The following FAP variants were observed in gnomAD, a reference collection of about 807,000 sequenced individuals.
The protein encoded by FAP is prolyl endopeptidase FAP.
FAP carries 110 observed loss-of-function variants against 126.5 expected under a neutral mutation model. The observed-to-expected ratio is 0.87, with a 90% confidence interval of 0.74 to 1.02. The LOEUF (loss-of-function observed/expected upper bound fraction) is 1.02, where lower values mean the gene tolerates loss of function less well. Ranked by LOEUF, FAP falls within the 50% of genes least tolerant of loss-of-function variation. FAP has a pLI of 0.00. For missense variants in FAP, 919 were observed against 909.2 expected (o/e 1.01, Z -0.14); for synonymous variants, 334 against 297.3 (o/e 1.12, Z -1.27).
intron 10 of FAP, among the ~76,000 whole-genome samples, 195 bp downstream of exon 10, chr2:162,215,703 G>A (rs772095593): frequency 2.2e-4 from 33 of 152,178 alleles, no homozygotes; most frequent in Non-Finnish European, 3.8e-4. Flanking sequence ...ATTGATCACC[G>A]AGGTCACGTT....
chr2:162,223,217 T>C (rs529836124), intron 6 of FAP, among the ~76,000 whole-genome samples: 3 of 152,262 alleles, frequency 2.0e-5, no homozygotes, highest in African/African-American at 7.2e-5. Context: ...ACACAACTAA[T>C]GCTACATCTC....
intron 6 of FAP, among the ~76,000 whole-genome samples, chr2:162,223,235 C>T (rs1280720256): frequency 6.6e-6 from 1 of 152,096 alleles, no homozygotes; most frequent in Non-Finnish European, 1.5e-5. Context: ...CTCTCTCCCG[C>T]CCTTCCTCCT....
At chr2:162,176,726 C>G (rs1287363831) in intron 21 of FAP, 3 of 152,046 alleles carry the variant, frequency 2.0e-5, no homozygotes, top group Non-Finnish European at 4.4e-5. Flanking sequence ...AGTAAAAATA[C>G]TGGGTCCTGC....
chr2:162,219,766 TCAGGC>T, intron 7 of FAP, 82 bp downstream of exon 7: 1 of 874,366 alleles, frequency 1.1e-6, no homozygotes, highest in Non-Finnish European at 1.9e-6. Context: ...TTTTTTTCTT[TCAGGC>T]AGGGAAATTT....
chr2:162,203,078 T>C lies in FAP; in HGVS notation c.1115A>G (p.Asp372Gly), dbSNP rs772385689. The change falls in exon 13 of 26, where the codon GAT (aspartate) becomes GGT (glycine). Residue 372 changes from aspartate to glycine, a missense_variant. Transcript: ENST00000188790. ...ISYYKIFSDK[D>G]GYKHIHYIKD... ...GATATAGTGAATATGTTTGTAGCCATCCTTGTCACTAAATATTTTGTAGTA... is the reference window on the plus strand; with the variant it reads ...GATATAGTGAATATGTTTGTAGCCACCCTTGTCACTAAATATTTTGTAGTA... The C allele has an allele frequency of 6.2e-7, 1 of 1,613,686 alleles. No homozygotes were observed. Among genetic ancestry groups the C allele is most frequent in the Non-Finnish European group, 8.5e-7 (1 of 1,179,656 alleles).
intron 4 of FAP, among the ~76,000 whole-genome samples, chr2:162,224,868 A>G (rs1689570370): frequency 6.6e-6 from 1 of 152,160 alleles, no homozygotes; most frequent in Non-Finnish European, 1.5e-5. Flanking sequence ...ATTGAATTCA[A>G]ATGAGAGGAT....
intron 12 of FAP, among the ~76,000 whole-genome samples, chr2:162,204,652 T>G (rs1167901959): frequency 6.6e-6 from 1 of 152,146 alleles, no homozygotes; most frequent in Non-Finnish European, 1.5e-5. Flanking sequence ...CTCTTGAGTC[T>G]TCATAGGGAG....
At chr2:162,197,754 T>C (rs1402930065) in intron 16 of FAP, 3 of 404,718 alleles carry the variant, frequency 7.4e-6, no homozygotes, top group Non-Finnish European at 1.5e-5. Context: ...AATAGGGATA[T>C]CAAGCAGTCA....
intron 7 of FAP, 120 bp from the exon 8 acceptor site, chr2:162,219,303 ACT>A: frequency 1.1e-6 from 1 of 936,130 alleles, no homozygotes; most frequent in Non-Finnish European, 1.5e-6. Flanking sequence ...AAGATTCACA[ACT>A]AAAATACCAT....
intron 12 of FAP, among the ~76,000 whole-genome samples, chr2:162,203,407 A>C (rs1264492802): frequency 6.6e-6 from 1 of 152,184 alleles, no homozygotes; most frequent in Non-Finnish European, 1.5e-5. Context: ...AATTTGATTA[A>C]ATTCCTAAGT....
At chr2:162,175,035 A>C in intron 21 of FAP, 69 bp from the exon 22 acceptor site, 1 of 1,085,002 alleles carries the variant, frequency 9.2e-7, no homozygotes, top group Non-Finnish European at 1.4e-6. Context: ...TGTTTATAGC[A>C]ACTCTACTCA....
chr2:162,174,964 G>C lies in FAP; in HGVS notation c.1872C>G (p.Ser624=). 1 of 1,605,460 alleles carries C rather than the reference G, an allele frequency of 6.2e-7. No homozygotes were observed. The highest frequency in any genetic ancestry group is 8.5e-7 in the Non-Finnish European group (1 of 1,172,804). The change falls in exon 22 of 26, where the codon TCC becomes TCG. Residue 624 remains serine, a splice_region_variant and synonymous_variant. Transcript: ENST00000188790. ...CCAGTGATGAAACGTATCCTCCATA[G>C]GACTGTAGAGACATTGTTATGAGTC... The part of the protein sequence containing the change: ...DEKRIAIWGW[S]YGGYVSSLAL...
intron 2 of FAP, among the ~76,000 whole-genome samples, chr2:162,234,581 C>G (rs1265651777): frequency 6.6e-6 from 1 of 151,984 alleles, no homozygotes; most frequent in East Asian, 1.9e-4. Context: ...TTTTTCTTGC[C>G]TAATTGCCTT....
intron 2 of FAP, among the ~76,000 whole-genome samples, chr2:162,231,208 T>G (rs1339536400): frequency 6.6e-6 from 1 of 152,204 alleles, no homozygotes; most frequent in Non-Finnish European, 1.5e-5. Context: ...GTTTGGAATG[T>G]GTGTATGTGT....
At chr2:162,229,368 A>T (rs1476634523) in intron 2 of FAP, among the ~76,000 whole-genome samples, 3 of 152,156 alleles carry the variant, frequency 2.0e-5, no homozygotes, top group Non-Finnish European at 4.4e-5. Context: ...AGATTTGTCC[A>T]CTGGGAATTT....
At chr2:162,176,667 A>G (rs1052712440) in intron 21 of FAP, 3 of 152,172 alleles carry the variant, frequency 2.0e-5, no homozygotes, top group East Asian at 1.9e-4. Context: ...GACCTTTAGA[A>G]AAAAATTATT....
chr2:162,188,135 A>C, intron 20 of FAP, 34 bp downstream of exon 20: 2 of 1,546,162 alleles, frequency 1.3e-6, no homozygotes, highest in Non-Finnish European at 1.8e-6. Flanking sequence ...CTTTTGTTGC[A>C]TGTTGACATC....
intron 2 of FAP, among the ~76,000 whole-genome samples, chr2:162,231,926 T>C (rs1164581369): frequency 6.6e-6 from 1 of 152,210 alleles, no homozygotes; most frequent in Non-Finnish European, 1.5e-5. Context: ...TTGATGCATA[T>C]GAGGTCATAC....
intron 21 of FAP, among the ~76,000 whole-genome samples, chr2:162,176,877 G>A (rs953624571): frequency 6.6e-6 from 1 of 152,038 alleles, no homozygotes; most frequent in Non-Finnish European, 1.5e-5. Flanking sequence ...TCAGTCATTG[G>A]GTGATAGTGT....
Sources: gnomAD v4.1 joint callset for allele counts (sites outside exome capture counted in the v4.1 genomes callset) on GRCh38, gnomAD v4.1.1 for gene constraint, MANE v1.5 for transcripts, NCBI Gene and HGNC (gene_info 2026-07-23, HGNC 2026-07-21) for gene names.